Variants in CEP85L observed in about 807,000 individuals in gnomAD.
CEP85L encodes the protein centrosomal protein 85L.
A neutral mutation model predicts 100.3 loss-of-function variants in CEP85L; 60 were observed. The observed-to-expected ratio is 0.60, with a 90% CI of 0.49 to 0.74. CEP85L has a LOEUF of 0.74. Ranked by LOEUF, CEP85L falls within the 30% of genes least tolerant of loss-of-function variation. The probability of loss-of-function intolerance (pLI) is 0.00; values close to 1 mark genes in which losing one functional copy is unlikely to be tolerated. For synonymous variants in CEP85L, 319 were observed against 322.7 expected, an observed-to-expected ratio of 0.99 and a Z score of 0.12; for missense variants, 973 against 936.2, an observed-to-expected ratio of 1.04 and a Z score of -0.51.
chr6:118,591,288 C>A (rs1781175750), intron 2 of CEP85L, among the ~76,000 whole-genome samples: 1 of 152,130 alleles, frequency 6.6e-6, no homozygotes, highest in South Asian at 2.1e-4. Flanking sequence ...CAACTTTTCA[C>A]ACCCAAGTAA....
At chr6:118,506,367 T>C (rs1025430397) in intron 5 of CEP85L, among the ~76,000 whole-genome samples, 10 of 152,128 alleles carry the variant, frequency 6.6e-5, no homozygotes, top group Admixed American at 6.5e-5. Context: ...CTCTGTGATA[T>C]AGGGCTTGCC....
At chr6:118,610,944 A>T (rs949253835) in intron 2 of CEP85L, among the ~76,000 whole-genome samples, 1 of 152,208 alleles carries the variant, frequency 6.6e-6, no homozygotes, top group South Asian at 2.1e-4. Context: ...CAAAGAATCA[A>T]GGGGAAGTCA....
chr6:118,479,764 TTA>T, intron 10 of CEP85L, 105 bp downstream of exon 10: 1 of 516,930 alleles, frequency 1.9e-6, no homozygotes, highest in Non-Finnish European at 3.3e-6. Context: ...GCTATAAATA[TTA>T]TCTTTCCATA....
chr6:118,558,378 T>C (rs1323651364), intron 3 of CEP85L, among the ~76,000 whole-genome samples: 1 of 152,168 alleles, frequency 6.6e-6, no homozygotes, highest in Admixed American at 6.6e-5. Flanking sequence ...AAATATGCTA[T>C]AGGAACTTAA....
At chr6:118,490,920 T>C (rs1168415857) in intron 6 of CEP85L, among the ~76,000 whole-genome samples, 1 of 151,978 alleles carries the variant, frequency 6.6e-6, no homozygotes, top group Non-Finnish European at 1.5e-5. Flanking sequence ...TCTTTATCGA[T>C]TCTTTGCTTA....
At chr6:118,510,036 C>G (rs373712713) in intron 5 of CEP85L, among the ~76,000 whole-genome samples, 1 of 152,040 alleles carries the variant, frequency 6.6e-6, no homozygotes, top group African/African-American at 2.4e-5. Context: ...ACAGTGAATA[C>G]AAATAAATTT....
chr6:118,593,603 C>A (rs2115133714), intron 2 of CEP85L, among the ~76,000 whole-genome samples: 1 of 151,722 alleles, frequency 6.6e-6, no homozygotes, highest in South Asian at 2.1e-4. Context: ...TCACCTCCCA[C>A]CAGGCCCTAC....
intron 2 of CEP85L, among the ~76,000 whole-genome samples, chr6:118,575,984 G>A (rs557686904): frequency 1.2e-4 from 18 of 152,144 alleles, no homozygotes; most frequent in African/African-American, 3.9e-4. Flanking sequence ...CCCTTCCCAA[G>A]GACAACAGCC....
intron 2 of CEP85L, among the ~76,000 whole-genome samples, chr6:118,631,891 T>A (rs1774178791): frequency 6.6e-6 from 1 of 152,240 alleles, no homozygotes; most frequent in African/African-American, 2.4e-5. Flanking sequence ...ATACCCTGGT[T>A]ACAACACTAT....
At chr6:118,640,230 TATTTTCTCC>T (rs1319168887) in intron 1 of CEP85L, among the ~76,000 whole-genome samples, 3 of 152,318 alleles carry the variant, frequency 2.0e-5, no homozygotes, top group African/African-American at 7.2e-5. Context: ...CACATAGTGT[TATTTTCTCC>T]ATCCCAATCC....
In CEP85L at chr6:118,506,365, T is replaced by C. The variant is rs908602130; in HGVS notation, c.1257+4933A>G. On this transcript the variant is annotated intron_variant, in intron 5 of 12. Transcript: ENST00000368491. ...CAGATGATATAGGTGGACTCTGTGATATAGGGCTTGCCGTGCAGGTGGAGT... is the reference window on the plus strand; with the variant it reads ...CAGATGATATAGGTGGACTCTGTGACATAGGGCTTGCCGTGCAGGTGGAGT... Among the ~76,000 whole-genome samples the C allele has an allele frequency of 3.3e-5, 5 of 152,146 alleles. No homozygotes were observed. The South Asian group carries it at 6.2e-4, about 19-fold the overall frequency.
chr6:118,585,765 T>C (rs923352141), intron 2 of CEP85L, among the ~76,000 whole-genome samples: 1 of 152,156 alleles, frequency 6.6e-6, no homozygotes, highest in African/African-American at 2.4e-5. Flanking sequence ...TGTTCATGCT[T>C]GTGAAGTCTG....
Position 118,600,299 on chromosome 6 carries a change from G to GT in CEP85L, c.232+32153_232+32154insA, listed in dbSNP as rs1562297694. Among the ~76,000 whole-genome samples, 262 of 89,002 alleles carry GT rather than the reference G, an allele frequency of 2.9e-3. 40 individuals are homozygous for GT. Among genetic ancestry groups the GT allele is most frequent in the Admixed American group, 0.018 (118 of 6,648 alleles). The allele number at this position is 89,002 out of a possible 152,430, so 58.4% of individuals were successfully genotyped here. On this transcript the variant is annotated intron_variant, in intron 2 of 12. Coordinates refer to ENST00000368491, the MANE Select transcript of CEP85L (RefSeq NM_001042475.3). Reference sequence around the variant, plus strand: ...ACTGCCTGTCCCTGAGCCTTCCTGGGGGTGTGTGTGTGTGTGTGTGTGTGT... The same window carrying GT: ...ACTGCCTGTCCCTGAGCCTTCCTGGGTGGTGTGTGTGTGTGTGTGTGTGTGT...
chr6:118,476,942 A>T (rs1773426042), intron 10 of CEP85L, among the ~76,000 whole-genome samples: 1 of 152,316 alleles, frequency 6.6e-6, no homozygotes, highest in South Asian at 2.1e-4. Flanking sequence ...ATAACAGCTC[A>T]CTGAAAAAGG....
chr6:118,642,883 C>T (rs566888795), intron 1 of CEP85L, among the ~76,000 whole-genome samples: 81 of 152,170 alleles, frequency 5.3e-4, no homozygotes, highest in African/African-American at 1.9e-3. Context: ...AGAGAGACTC[C>T]GTCTCAAAAA....
chr6:118,627,970 C>CA (rs1350119757), intron 2 of CEP85L, among the ~76,000 whole-genome samples: 1 of 151,972 alleles, frequency 6.6e-6, no homozygotes, highest in African/African-American at 2.4e-5. Context: ...TTAGTAAAAA[C>CA]AGAAAAAAAC....
At chr6:118,589,862 T>C (rs1781080251) in intron 2 of CEP85L, among the ~76,000 whole-genome samples, 1 of 152,228 alleles carries the variant, frequency 6.6e-6, no homozygotes, top group African/African-American at 2.4e-5. Context: ...TGTTAGATAT[T>C]TGCATTTTTG....
chr6:118,651,969 G>A (rs1562341368), upstream of CEP85L: 2 of 958,990 alleles, frequency 2.1e-6, no homozygotes, highest in Non-Finnish European at 1.2e-6. Context: ...GCCAAGCCAG[G>A]GCGCGGCTGA....
chr6:118,561,804 GACTTTCC>G (rs1747889818), intron 3 of CEP85L, among the ~76,000 whole-genome samples: 1 of 151,962 alleles, frequency 6.6e-6, no homozygotes, highest in Admixed American at 6.6e-5. Flanking sequence ...TTTTTTTGGT[GACTTTCC>G]CCAAATAAAA....
Sources: gnomAD v4.1 joint callset for allele counts (sites outside exome capture counted in the v4.1 genomes callset) on GRCh38, gnomAD v4.1.1 for gene constraint, MANE v1.5 for transcripts, NCBI Gene and HGNC (gene_info 2026-07-23, HGNC 2026-07-21) for gene names.